Variants in SLC25A48 observed in about 807,000 individuals in gnomAD.
SLC25A48 encodes the protein solute carrier family 25 member 48.
In SLC25A48, 29 loss-of-function variants were observed where a neutral mutation model predicts 32.2. That is an observed-to-expected ratio of 0.90 (90% confidence interval 0.67 to 1.23). The LOEUF is 1.23. Ranked by LOEUF, SLC25A48 falls within the 50% of genes most tolerant of loss-of-function variation. The pLI is 0.00. For missense variants in SLC25A48, 399 were observed against 422.7 expected, an observed-to-expected ratio of 0.94 and a Z score of 0.49; for synonymous variants, 164 against 172.3, an observed-to-expected ratio of 0.95 and a Z score of 0.38.
intron 3 of SLC25A48, among the ~76,000 whole-genome samples, chr5:135,677,842 C>G (rs1753806629): frequency 6.6e-6 from 1 of 152,084 alleles, no homozygotes; most frequent in South Asian, 2.1e-4. Context: ...CTATGTGATC[C>G]CATTCTTTCC....
At chr5:135,777,599 A>G (rs1367396910) in intron 3 of SLC25A48, among the ~76,000 whole-genome samples, 1 of 151,722 alleles carries the variant, frequency 6.6e-6, no homozygotes, top group Non-Finnish European at 1.5e-5. Flanking sequence ...ATTGCAGGGC[A>G]TGTAACCGCC....
chr5:135,831,667 C>T (rs974382301), upstream of SLC25A48, among the ~76,000 whole-genome samples: 1 of 152,188 alleles, frequency 6.6e-6, no homozygotes, highest in African/African-American at 2.4e-5. Flanking sequence ...CGCAGTCACA[C>T]ACATGCACAG....
chr5:135,702,248 G>A (rs1754410573), intron 3 of SLC25A48, among the ~76,000 whole-genome samples: 1 of 152,154 alleles, frequency 6.6e-6, no homozygotes, highest in Non-Finnish European at 1.5e-5. Flanking sequence ...TTTGCAAATG[G>A]GTCTTTGCAG....
rs1361094009 is a variant in SLC25A48, at chr5:135,880,152, T to A, written c.*7+55T>A. 2.1e-5 allele frequency: 32 copies of A among 1,504,652 alleles called. No individual in the cohort carries two copies. The Admixed American group carries it at 3.8e-4, about 18-fold the overall frequency. The allele number at this position is 1,504,652 out of a possible 1,614,324, so 93.2% of individuals were successfully genotyped here. A position where few individuals can be genotyped will look rare whatever the true frequency, so the allele number is the denominator to read the frequency against. On this transcript the variant is annotated intron_variant, in intron 7 of 7. Transcript: ENST00000681962. Reference sequence around the variant, plus strand: ...GCCTCCCAGGAACTTGAAACTTTTTTTTTTTTTTATCATGAGAATGTTGTG... The same window carrying A: ...GCCTCCCAGGAACTTGAAACTTTTTATTTTTTTTATCATGAGAATGTTGTG...
chr5:135,666,567 G>GA (rs1753529427), intron 3 of SLC25A48, among the ~76,000 whole-genome samples: 1 of 152,052 alleles, frequency 6.6e-6, no homozygotes, highest in Non-Finnish European at 1.5e-5. Flanking sequence ...AGCCACGGCT[G>GA]AAAACTAGGG....
intron 1 of SLC25A48, among the ~76,000 whole-genome samples, chr5:135,593,970 A>G (rs1319816469): frequency 1.3e-5 from 2 of 152,232 alleles, no homozygotes; most frequent in African/African-American, 4.8e-5. Context: ...TGACCACAGG[A>G]ACTGCATCAT....
intron 3 of SLC25A48, among the ~76,000 whole-genome samples, chr5:135,807,174 TATC>T (rs936582224): frequency 4.8e-4 from 72 of 150,938 alleles, no homozygotes; most frequent in African/African-American, 1.7e-3. Flanking sequence ...ATATTTTAAA[TATC>T]ATGGATATTT....
intron 2 of SLC25A48, among the ~76,000 whole-genome samples, chr5:135,849,562 CCA>C (rs1259867583): frequency 1.3e-5 from 2 of 152,122 alleles, no homozygotes; most frequent in African/African-American, 4.8e-5. Flanking sequence ...TGCAAAGGGG[CCA>C]CTATGCCAGG....
intron 3 of SLC25A48, among the ~76,000 whole-genome samples, chr5:135,768,878 G>C (rs1016506565): frequency 2.0e-5 from 3 of 151,726 alleles, no homozygotes; most frequent in African/African-American, 7.3e-5. Flanking sequence ...GATATTGGTT[G>C]TAAGATCCAG....
At chr5:135,603,354 T>C (rs1377047271) in intron 1 of SLC25A48, among the ~76,000 whole-genome samples, 1 of 152,250 alleles carries the variant, frequency 6.6e-6, no homozygotes, top group African/African-American at 2.4e-5. Flanking sequence ...GACGCTTTCA[T>C]GAGGTTGAAG....
chr5:135,641,881 C>T (rs889713799), intron 3 of SLC25A48, among the ~76,000 whole-genome samples: 4 of 152,212 alleles, frequency 2.6e-5, no homozygotes, highest in Non-Finnish European at 5.9e-5. Context: ...CATCTCACTC[C>T]TCTTCCACCC....
At chr5:135,633,101 G>T (rs566547566) in intron 2 of SLC25A48, among the ~76,000 whole-genome samples, 1 of 152,168 alleles carries the variant, frequency 6.6e-6, no homozygotes, top group Admixed American at 6.5e-5. Context: ...TCAAGTGGGG[G>T]AGGGCAGCCA....
chr5:135,795,749 GGAGA>G lies in SLC25A48; in HGVS notation c.-520-16770_-520-16767del, dbSNP rs780046732. 6.6e-5 allele frequency among the ~76,000 whole-genome samples: 10 copies of G among 151,488 alleles called. No individual in the cohort carries two copies. In the East Asian group the frequency reaches 2.0e-3, roughly 30 times the overall value. On this transcript the variant is annotated intron_variant, in intron 3 of 10. Coordinates refer to the SLC25A48 transcript ENST00000646290. ...GATATGGTTCATAACATCCGGTGGG[GGAGA>G]GAGTGTGACTGCTCTCCATATCACT...
chr5:135,849,754 AG>A lies in SLC25A48; in HGVS notation c.91-670del, dbSNP rs1759685531. Among the ~76,000 whole-genome samples the A allele has an allele frequency of 2.0e-5, 3 of 152,180 alleles. No homozygotes were observed. In the South Asian group the frequency reaches 6.2e-4, roughly 32 times the overall value. ...TCCAGAAGTGGGGAACAGCAGGGGC[AG>A]CTGGCTGGAGGCAGGAAAGAATTGC... is the stretch of plus-strand genomic sequence containing the variant. On this transcript the variant is annotated intron_variant, in intron 2 of 7. Transcript: ENST00000681962.
At chr5:135,690,178 GTCT>G (rs1467507674) in intron 3 of SLC25A48, among the ~76,000 whole-genome samples, 1 of 152,168 alleles carries the variant, frequency 6.6e-6, no homozygotes, top group Non-Finnish European at 1.5e-5. Context: ...CTATGCCTCC[GTCT>G]TCTTATCTGC....
chr5:135,836,628 C>G (rs1041617879), intron 1 of SLC25A48, among the ~76,000 whole-genome samples: 3 of 152,146 alleles, frequency 2.0e-5, no homozygotes, highest in African/African-American at 7.2e-5. Flanking sequence ...GAATGCTGTT[C>G]CCTCTCCTTA....
chr5:135,864,317 G>C (rs1385974812), intron 4 of SLC25A48, among the ~76,000 whole-genome samples: 1 of 152,194 alleles, frequency 6.6e-6, no homozygotes, highest in Non-Finnish European at 1.5e-5. Context: ...TTGCTACTTT[G>C]AAGATGTGTG....
At chr5:135,707,155 C>T (rs1448296507) in intron 3 of SLC25A48, among the ~76,000 whole-genome samples, 1 of 152,094 alleles carries the variant, frequency 6.6e-6, no homozygotes, top group African/African-American at 2.4e-5. Flanking sequence ...GGGAAGCTCC[C>T]AGGGTCCTTT....
intron 3 of SLC25A48, among the ~76,000 whole-genome samples, chr5:135,660,219 C>A (rs186109643): frequency 2.6e-5 from 4 of 152,274 alleles, no homozygotes; most frequent in Non-Finnish European, 5.9e-5. Flanking sequence ...ACACACTTTA[C>A]CTAGCTTCCC....
Sources: gnomAD v4.1 joint callset for allele counts (sites outside exome capture counted in the v4.1 genomes callset) on GRCh38, gnomAD v4.1.1 for gene constraint, MANE v1.5 for transcripts, NCBI Gene and HGNC (gene_info 2026-07-23, HGNC 2026-07-21) for gene names.